Variants in ADARB2 observed in about 807,000 individuals in gnomAD.
The protein encoded by ADARB2 is inactive double-stranded RNA-specific editase B2.
Under a neutral mutation model 62.2 loss-of-function variants are expected in ADARB2, and 25 were observed. The observed-to-expected ratio is 0.40, with a 90% CI of 0.29 to 0.56. The LOEUF is 0.56. ADARB2 is among the 20% of genes least tolerant of loss of function. ADARB2 has a pLI of 0.43. For synonymous variants in ADARB2, 572 were observed against 500.8 expected (o/e 1.14, Z -1.90); for missense variants, 1,071 against 1,077.4 (o/e 0.99, Z 0.08).
intron 1 of ADARB2, among the ~76,000 whole-genome samples, chr10:1,608,633 AAGGG>A (rs1038983012): frequency 2.0e-5 from 3 of 149,656 alleles, no homozygotes; most frequent in African/African-American, 7.4e-5. Flanking sequence ...AAGAGAAATG[AAGGG>A]AGGGAGGGAA....
chr10:1,603,534 G>A lies in ADARB2; in HGVS notation c.100+133517C>T, dbSNP rs114156581. Among the ~76,000 whole-genome samples the A allele has an allele frequency of 4.7e-3, 714 of 152,042 alleles. 2 individuals carry two copies. Among genetic ancestry groups the A allele is most frequent in the African/African-American group, 0.016 (657 of 41,478 alleles). On this transcript the variant is annotated intron_variant, in intron 1 of 9. Coordinates refer to ENST00000381312, the MANE Select transcript of ADARB2 (RefSeq NM_018702.4). The stretch of plus-strand genomic sequence containing the variant: ...TCACCCTGATTAGAACGATTTCCTT[G>A]GCCGAAGGAAGGCCTGAGTGTCACC...
At chr10:1,491,631 G>A (rs1025295750) in intron 1 of ADARB2, among the ~76,000 whole-genome samples, 5 of 152,170 alleles carry the variant, frequency 3.3e-5, no homozygotes, top group African/African-American at 7.2e-5. Flanking sequence ...CAGATGTAAT[G>A]AGACCCACAG....
At chr10:1,192,236 G>T (rs933481174) in intron 8 of ADARB2, among the ~76,000 whole-genome samples, 10 of 152,216 alleles carry the variant, frequency 6.6e-5, no homozygotes, top group Admixed American at 2.6e-4. Context: ...AGGCAAGTCT[G>T]TGTCACTGGG....
intron 1 of ADARB2, among the ~76,000 whole-genome samples, chr10:1,583,847 C>A (rs1417395331): frequency 1.3e-5 from 2 of 152,068 alleles, no homozygotes; most frequent in Non-Finnish European, 2.9e-5. Context: ...AATAGAGAAC[C>A]CAGAAATAGA....
intron 3 of ADARB2, 119 bp downstream of exon 3, chr10:1,362,909 G>T (rs1832273265): frequency 1.2e-5 from 12 of 978,270 alleles, no homozygotes; most frequent in Non-Finnish European, 1.6e-5. Context: ...TTCCCCTCCC[G>T]CTCCACGCGG....
intron 1 of ADARB2, among the ~76,000 whole-genome samples, chr10:1,645,320 T>A (rs538186049): frequency 5.9e-5 from 9 of 152,178 alleles, no homozygotes. Context: ...AAAAGACTGA[T>A]TCTATATGTC....
In ADARB2 at chr10:1,363,040, C is replaced by G; in HGVS notation, c.1065G>C (p.Thr355=). 7.2e-7 allele frequency: 1 copy of G among 1,398,542 alleles called. No homozygotes were observed. The highest frequency in any genetic ancestry group is 9.3e-7 in the Non-Finnish European group (1 of 1,075,048). The allele number at this position is 1,398,542 out of a possible 1,614,324, so 86.6% of individuals were successfully genotyped here. ...CCGCGCCCCTCACCTGCGGCATTGG[C>G]GTCCTCCTGGCCCTGCCGGGCGCGT... ...PGHAPGRARR[T]PMPQEFADSI... Residue 355 remains threonine, a synonymous_variant, in exon 3 of 10, where the codon ACG becomes ACC. Coordinates refer to ENST00000381312, the MANE Select transcript of ADARB2 (RefSeq NM_018702.4).
chr10:1,466,189 CATGA>C (rs1484054969), intron 1 of ADARB2, among the ~76,000 whole-genome samples: 2 of 152,256 alleles, frequency 1.3e-5, no homozygotes, highest in Non-Finnish European at 2.9e-5. Context: ...CCATGGGTGA[CATGA>C]AGCTGGCCTC....
intron 1 of ADARB2, among the ~76,000 whole-genome samples, chr10:1,616,152 CCCATTTTTCTT>C (rs1362900351): frequency 6.6e-6 from 1 of 152,160 alleles, no homozygotes; most frequent in African/African-American, 2.4e-5. Context: ...TACTTTTTCT[CCCATTTTTCTT>C]GCCACCACAT....
intron 3 of ADARB2, among the ~76,000 whole-genome samples, chr10:1,310,738 C>G (rs1251282697): frequency 6.6e-6 from 1 of 152,130 alleles, no homozygotes; most frequent in Admixed American, 6.5e-5. Context: ...GCTCTCCAGG[C>G]CCCTGGCGCC....
At chr10:1,693,443 C>T (rs778325201) in intron 1 of ADARB2, among the ~76,000 whole-genome samples, 16 of 152,152 alleles carry the variant, frequency 1.1e-4, no homozygotes, top group Non-Finnish European at 1.6e-4. Flanking sequence ...TTTTTGTCAT[C>T]GTCCTCATAT....
chr10:1,377,066 T>G, intron 2 of ADARB2, among the ~76,000 whole-genome samples: 1 of 116,992 alleles, frequency 8.5e-6, no homozygotes, highest in Admixed American at 9.0e-5. Context: ...GCTCCTGGGG[T>G]GTGTGTGCGC....
chr10:1,725,649 A>G (rs1835154388), intron 1 of ADARB2, among the ~76,000 whole-genome samples: 1 of 152,222 alleles, frequency 6.6e-6, no homozygotes. Context: ...GAGAGCAGGG[A>G]GCAAAGACAT....
chr10:1,411,657 AC>A (rs1832760807), intron 1 of ADARB2, among the ~76,000 whole-genome samples: 1 of 152,134 alleles, frequency 6.6e-6, no homozygotes, highest in Admixed American at 6.5e-5. Flanking sequence ...CGTTGCAGCA[AC>A]ACCACAGAGA....
At chr10:1,193,199 G>A (rs1268213247) in intron 8 of ADARB2, among the ~76,000 whole-genome samples, 1 of 152,214 alleles carries the variant, frequency 6.6e-6, no homozygotes, top group African/African-American at 2.4e-5. Flanking sequence ...TGTCCTCTCA[G>A]GAGGGTTTGT....
intron 1 of ADARB2, among the ~76,000 whole-genome samples, chr10:1,523,424 T>C (rs1000161938): frequency 3.7e-4 from 57 of 152,292 alleles, no homozygotes; most frequent in African/African-American, 1.3e-3. Flanking sequence ...AGCCCTGAGC[T>C]GGGGAAACCA....
At chr10:1,432,694 T>C (rs557554610) in intron 1 of ADARB2, among the ~76,000 whole-genome samples, 172 of 152,016 alleles carry the variant, frequency 1.1e-3, no homozygotes, top group African/African-American at 3.9e-3. Flanking sequence ...AATATACTTA[T>C]ATGAGTATGC....
Position 1,589,962 on chromosome 10 carries a change from C to T in ADARB2, c.100+147089G>A, listed in dbSNP as rs114839358. ...GTCAAGTGGTTTTTAAATGGTCCTT[C>T]TGGCTTCAGCAGGTGCTCCTCTGGG... On this transcript the variant is annotated intron_variant, in intron 1 of 9. Coordinates refer to ENST00000381312, the MANE Select transcript of ADARB2 (RefSeq NM_018702.4). Among the ~76,000 whole-genome samples, 1,142 of 152,342 alleles carry T rather than the reference C, an allele frequency of 7.5e-3. 16 individuals are homozygous for T. The highest frequency in any genetic ancestry group is 0.026 in the African/African-American group (1,100 of 41,580).
chr10:1,676,275 A>G (rs1409406321), intron 1 of ADARB2, among the ~76,000 whole-genome samples: 1 of 152,148 alleles, frequency 6.6e-6, no homozygotes, highest in African/African-American at 2.4e-5. Context: ...CTGTGAGTGC[A>G]GCTCACAGAC....
Sources: allele counts gnomAD v4.1 joint callset (sites outside exome capture counted in the v4.1 genomes callset), GRCh38; gene constraint gnomAD v4.1.1; transcripts MANE v1.5; gene names NCBI Gene and HGNC (gene_info 2026-07-23, HGNC 2026-07-21).